STARD13: variants seen among roughly 807,000 people sequenced by gnomAD.
STARD13 encodes the protein StAR related lipid transfer domain containing 13.
Under a neutral mutation model 106.4 loss-of-function variants are expected in STARD13, and 62 were observed. The ratio of observed to expected loss-of-function variants is 0.58; its 90% CI spans 0.48 to 0.72. The LOEUF is 0.72. STARD13 is among the 30% of genes least tolerant of loss of function. The probability of loss-of-function intolerance (pLI) is 0.00; values close to 1 mark genes in which losing one functional copy is unlikely to be tolerated. For synonymous variants in STARD13, 565 were observed against 553.0 expected, an observed-to-expected ratio of 1.02 and a Z score of -0.31; for missense variants, 1,387 against 1,424.0, an observed-to-expected ratio of 0.97 and a Z score of 0.42.
the STARD13 span, among the ~76,000 whole-genome samples, chr13:33,381,299 C>G: frequency 1.3e-5 from 2 of 152,092 alleles, no homozygotes; most frequent in African/African-American, 2.4e-5. Context: ...CTCCCTACCC[C>G]CTACAAAACG....
chr13:33,523,843 ATC>A, the STARD13 span, among the ~76,000 whole-genome samples: 1 of 152,082 alleles, frequency 6.6e-6, no homozygotes, highest in East Asian at 1.9e-4. Flanking sequence ...TCTTTTCTGG[ATC>A]TCCGAACAGT....
chr13:33,349,223 A>G (rs1364503456), intron 1 of STARD13: 2 of 702,094 alleles, frequency 2.8e-6, no homozygotes, highest in East Asian at 2.7e-5. Flanking sequence ...AGTCCTGGAG[A>G]GGACACAGAG....
the STARD13 span, among the ~76,000 whole-genome samples, chr13:33,603,058 T>A: frequency 1.3e-5 from 2 of 152,130 alleles, no homozygotes; most frequent in African/African-American, 4.8e-5. Context: ...CAGGAAAGGA[T>A]CCCTCGGGCC....
At chr13:33,542,603 A>C in the STARD13 span, among the ~76,000 whole-genome samples, 5 of 151,822 alleles carry the variant, frequency 3.3e-5, no homozygotes, top group African/African-American at 1.2e-4. Flanking sequence ...ACCAGCAACC[A>C]GGGCCCGCTG....
chr13:33,499,605 T>TCC, the STARD13 span, among the ~76,000 whole-genome samples: 43 of 27,260 alleles, frequency 1.6e-3, no homozygotes, highest in Non-Finnish European at 2.2e-3. Flanking sequence ...TTCTTCTTCT[T>TCC]TCTTCTTCTT....
chr13:33,212,324 T>C (rs1887769479), intron 1 of STARD13, among the ~76,000 whole-genome samples: 1 of 152,258 alleles, frequency 6.6e-6, no homozygotes, highest in South Asian at 2.1e-4. Flanking sequence ...CGTGACCAAC[T>C]GTTCCTTTAG....
At chr13:33,332,234 C>A (rs539128092) in intron 1 of STARD13, among the ~76,000 whole-genome samples, 1 of 152,162 alleles carries the variant, frequency 6.6e-6, no homozygotes, top group Non-Finnish European at 1.5e-5. Context: ...GACTCATTCC[C>A]GTCCTTTTCC....
At chr13:33,544,814 C>T in the STARD13 span, among the ~76,000 whole-genome samples, 1 of 145,386 alleles carries the variant, frequency 6.9e-6, no homozygotes, top group South Asian at 2.2e-4. Context: ...TGCTCTGTCG[C>T]CCAGGCTGGA....
At chr13:33,437,991 T>C in the STARD13 span, among the ~76,000 whole-genome samples, 2 of 152,190 alleles carry the variant, frequency 1.3e-5, no homozygotes, top group Admixed American at 1.3e-4. Flanking sequence ...CCACATCCAA[T>C]CTAGGACTAT....
chr13:33,353,766 G>A (rs2078101322), upstream of STARD13, among the ~76,000 whole-genome samples: 1 of 152,078 alleles, frequency 6.6e-6, no homozygotes, highest in Non-Finnish European at 1.5e-5. Context: ...AACCAAAATA[G>A]CTCCTTCTCA....
Position 33,184,860 on chromosome 13 carries a change from T to C in STARD13, c.170-17238A>G, listed in dbSNP as rs78872210. 9.0e-4 allele frequency among the ~76,000 whole-genome samples: 137 copies of C among 152,350 alleles called. 1 individual carries two copies. Among genetic ancestry groups the C allele is most frequent in the African/African-American group, 3.2e-3 (133 of 41,584 alleles). ...CACAATTTCCACTGATGTACCCAAA[T>C]GGGAGAAGAAAATAAACAGATACTT... is the stretch of plus-strand genomic sequence containing the variant. On this transcript the variant is annotated intron_variant, in intron 1 of 13. Coordinates refer to ENST00000336934, the MANE Select transcript of STARD13 (RefSeq NM_178006.4).
intron 1 of STARD13, among the ~76,000 whole-genome samples, chr13:33,339,383 A>G (rs1476182476): frequency 6.6e-6 from 1 of 152,240 alleles, no homozygotes; most frequent in African/African-American, 2.4e-5. Context: ...GTTAAAGGAC[A>G]TGCATTTAAG....
the STARD13 span, among the ~76,000 whole-genome samples, chr13:33,660,402 G>A: frequency 6.6e-6 from 1 of 152,132 alleles, no homozygotes; most frequent in Non-Finnish European, 1.5e-5. Context: ...ACATCAGTAG[G>A]AAAGTTGCCA....
intron 1 of STARD13, among the ~76,000 whole-genome samples, chr13:33,211,643 A>T (rs1183062092): frequency 6.6e-6 from 1 of 152,174 alleles, no homozygotes; most frequent in East Asian, 1.9e-4. Flanking sequence ...GTACAATGTA[A>T]ATGCTATGTA....
chr13:33,434,596 G>T, the STARD13 span, among the ~76,000 whole-genome samples: 1 of 152,002 alleles, frequency 6.6e-6, no homozygotes, highest in African/African-American at 2.4e-5. Flanking sequence ...AGTCAATACG[G>T]ATCTGTATTC....
intron 1 of STARD13, among the ~76,000 whole-genome samples, chr13:33,323,500 C>T (rs3895323): frequency 0.58 from 88,614 of 151,938 alleles, 28,230 homozygotes; most frequent in East Asian, 0.94. Context: ...CCCTAGACGG[C>T]AGGCAAGTTT....
the STARD13 span, among the ~76,000 whole-genome samples, chr13:33,373,393 G>A: frequency 1.3e-5 from 2 of 152,116 alleles, no homozygotes; most frequent in Non-Finnish European, 2.9e-5. Context: ...CATTAACTAA[G>A]CATCGTTTAA....
chr13:33,381,672 G>A, the STARD13 span, among the ~76,000 whole-genome samples: 4 of 152,164 alleles, frequency 2.6e-5, no homozygotes, highest in East Asian at 3.9e-4. Context: ...CCCAGGAGGC[G>A]GAGGTTGCAG....
intron 3 of STARD13, among the ~76,000 whole-genome samples, chr13:33,145,515 A>C (rs1424958101): frequency 6.9e-6 from 1 of 145,014 alleles, no homozygotes; most frequent in Non-Finnish European, 1.5e-5. Context: ...TGTCCACAAA[A>C]AGATTTATAC....
Sources: gnomAD v4.1 joint callset for allele counts (sites outside exome capture counted in the v4.1 genomes callset) on GRCh38, gnomAD v4.1.1 for gene constraint, MANE v1.5 for transcripts, NCBI Gene and HGNC (gene_info 2026-07-23, HGNC 2026-07-21) for gene names.